TFG: variants seen among roughly 807,000 people sequenced by gnomAD.
TFG encodes the protein protein TFG.
TFG carries 22 observed loss-of-function variants against 51.4 expected under a neutral mutation model. That is an observed-to-expected ratio of 0.43 (90% CI 0.31 to 0.61). TFG has a LOEUF of 0.61. Among genes scored for constraint, TFG ranks in the 20% least tolerant of loss-of-function variants. The pLI is 0.12. For missense variants in TFG, 419 were observed against 487.7 expected, an observed-to-expected ratio of 0.86 and a Z score of 1.33; for synonymous variants, 187 against 165.6, an observed-to-expected ratio of 1.13 and a Z score of -0.99.
At chr3:100,730,080 A>G (rs1307954611) in intron 4 of TFG, among the ~76,000 whole-genome samples, 6 of 152,218 alleles carry the variant, frequency 3.9e-5, no homozygotes, top group Non-Finnish European at 7.4e-5. Context: ...TCAAGAATCA[A>G]TGAAAAAGTT....
intron 1 of TFG, among the ~76,000 whole-genome samples, chr3:100,712,927 A>C (rs1468675191): frequency 1.3e-5 from 2 of 152,226 alleles, no homozygotes; most frequent in African/African-American, 4.8e-5. Context: ...AGCAGGGGTG[A>C]GTGAAGAAGA....
chr3:100,709,492 C>G (rs865889987), upstream of TFG: 2 of 152,446 alleles, frequency 1.3e-5, no homozygotes, highest in African/African-American at 4.8e-5. Flanking sequence ...GCTCCCGCCT[C>G]TGTTCTTCCC....
intron 1 of TFG, among the ~76,000 whole-genome samples, chr3:100,711,281 T>G (rs916764216): frequency 1.3e-5 from 2 of 152,088 alleles, no homozygotes; most frequent in Non-Finnish European, 2.9e-5. Context: ...TTTTGTATTT[T>G]TAGTAGAGAC....
chr3:100,709,928 G>A (rs2095025026), intron 1 of TFG: 1 of 142,962 alleles, frequency 7.0e-6, no homozygotes, highest in African/African-American at 2.6e-5. Context: ...CCTTGCATGG[G>A]GGGAGGGGAA....
At chr3:100,713,944 AGGCT>A (rs1271353469) in intron 2 of TFG, 75 bp downstream of exon 2, 2 of 988,468 alleles carry the variant, frequency 2.0e-6, no homozygotes, top group Admixed American at 5.8e-5. Context: ...TCTGTTGCCC[AGGCT>A]GGAGTACAGT....
chr3:100,725,676 T>TC (rs36116984), intron 3 of TFG, among the ~76,000 whole-genome samples: 100,256 of 148,860 alleles, frequency 0.67, 33,873 homozygotes, highest in South Asian at 0.84. Flanking sequence ...GTGCCTGTAA[T>TC]CCAGCCACTT....
intron 5 of TFG, among the ~76,000 whole-genome samples, chr3:100,733,219 T>C (rs2095096660): frequency 6.6e-6 from 1 of 152,176 alleles, no homozygotes. Flanking sequence ...TTTTTCTCTT[T>C]TCGGATTCTA....
intron 1 of TFG, among the ~76,000 whole-genome samples, chr3:100,712,523 T>C (rs2095033973): frequency 6.6e-6 from 1 of 152,218 alleles, no homozygotes; most frequent in African/African-American, 2.4e-5. Flanking sequence ...GGAGTTATGC[T>C]TGGAAAATGT....
In TFG at chr3:100,748,452, C is replaced by T; in HGVS notation, c.1124C>T (p.Pro375Leu). 1 of 1,614,118 alleles carries T rather than the reference C, an allele frequency of 6.2e-7. No individual in the cohort carries two copies. Among genetic ancestry groups the T allele is most frequent in the Non-Finnish European group, 8.5e-7 (1 of 1,180,004 alleles). Residue 375 changes from proline to leucine, a missense_variant, in exon 8 of 8, where the codon CCA becomes CTA. Coordinates refer to ENST00000240851, the MANE Select transcript of TFG (RefSeq NM_006070.6). ...CCTGGAAGTACCATGACCCCTCCTC[C>T]AAGTGGGCCTAATCCTTATGCGCGT... is the stretch of plus-strand genomic sequence containing the variant. ...SLPGSTMTPP[P>L]SGPNPYARNR... is the part of the protein sequence containing the mutation.
intron 6 of TFG, among the ~76,000 whole-genome samples, chr3:100,741,782 C>CT (rs561083791): frequency 5.3e-4 from 81 of 152,132 alleles, no homozygotes; most frequent in African/African-American, 1.9e-3. Context: ...TTCACTGTAC[C>CT]TTTTTTATGT....
chr3:100,733,339 A>G (rs1038669448), intron 5 of TFG, among the ~76,000 whole-genome samples: 18 of 152,222 alleles, frequency 1.2e-4, no homozygotes, highest in Middle Eastern at 3.4e-3. Flanking sequence ...GAACTCTTCA[A>G]GGTCGCTGTG....
intron 6 of TFG, chr3:100,742,958 G>T (rs2095125301): frequency 6.6e-6 from 1 of 151,560 alleles, no homozygotes; most frequent in African/African-American, 2.4e-5. Context: ...CTGTGGTTTT[G>T]ACCAGGAGTT....
rs1576366326 is a variant in TFG, at chr3:100,728,745, A to G, written c.302A>G (p.Gln101Arg). The G allele has an allele frequency of 1.2e-6, 2 of 1,611,656 alleles. No individual in the cohort carries two copies. Among genetic ancestry groups the G allele is most frequent in the Non-Finnish European group, 1.7e-6 (2 of 1,178,922 alleles). Residue 101 changes from glutamine (Q) to arginine (R), a missense_variant, in exon 4 of 8, where the codon CAG becomes CGG. Transcript: ENST00000240851. ...NGQPRPLESS[Q>R]VKYLRRELIE... is the part of the protein sequence containing the mutation. Reference sequence around the variant, plus strand: ...CAGCCAAGACCCCTTGAATCAAGTCAGGTGAAATATCTCCGTCGAGAACTG... The same window carrying G: ...CAGCCAAGACCCCTTGAATCAAGTCGGGTGAAATATCTCCGTCGAGAACTG...
At chr3:100,722,495 T>C (rs1278924745) in intron 3 of TFG, among the ~76,000 whole-genome samples, 1 of 152,152 alleles carries the variant, frequency 6.6e-6, no homozygotes, top group South Asian at 2.1e-4. Flanking sequence ...TTCAGAGTTA[T>C]ATAAAAGCTA....
chr3:100,714,433 G>A (rs1170106534), intron 2 of TFG, among the ~76,000 whole-genome samples: 1 of 151,850 alleles, frequency 6.6e-6, no homozygotes, highest in South Asian at 2.1e-4. Flanking sequence ...CCGGGAGGTG[G>A]AGCTTACATT....
chr3:100,717,803 T>A lies in TFG; in HGVS notation c.185-2172T>A, dbSNP rs114305882. ...TTGGTAGAGTTTTTAGGTTTTTGTTTATATAAGATTATGTCATCTGCAAAC... is the reference window on the plus strand; with the variant it reads ...TTGGTAGAGTTTTTAGGTTTTTGTTAATATAAGATTATGTCATCTGCAAAC... On this transcript the variant is annotated intron_variant, in intron 2 of 7. Coordinates refer to ENST00000240851, the MANE Select transcript of TFG (RefSeq NM_006070.6). 3.4e-3 allele frequency among the ~76,000 whole-genome samples: 521 copies of A among 152,322 alleles called. 5 individuals are homozygous for A. The highest frequency in any genetic ancestry group is 5.0e-3 in the Non-Finnish European group (342 of 68,024).
At chr3:100,736,198 A>C (rs1270734257) in intron 5 of TFG, among the ~76,000 whole-genome samples, 1 of 152,134 alleles carries the variant, frequency 6.6e-6, no homozygotes, top group Non-Finnish European at 1.5e-5. Context: ...CCAAACTAGG[A>C]GGTTGAACTT....
intron 7 of TFG, among the ~76,000 whole-genome samples, chr3:100,746,133 A>G (rs1031056166): frequency 6.6e-6 from 1 of 152,212 alleles, no homozygotes; most frequent in African/African-American, 2.4e-5. Flanking sequence ...TATTTTTAGG[A>G]TGCAGTTCTT....
chr3:100,725,353 G>A (rs1477345668), intron 3 of TFG, among the ~76,000 whole-genome samples: 1 of 152,112 alleles, frequency 6.6e-6, no homozygotes, highest in African/African-American at 2.4e-5. Context: ...AACATGGCAA[G>A]ATTGTTTTGG....
Sources: allele counts gnomAD v4.1 joint callset (sites outside exome capture counted in the v4.1 genomes callset), GRCh38; gene constraint gnomAD v4.1.1; transcripts MANE v1.5; gene names NCBI Gene and HGNC (gene_info 2026-07-23, HGNC 2026-07-21).